ABCC8: variants seen among roughly 807,000 people sequenced by gnomAD.
ABCC8 encodes the protein ATP binding cassette subfamily C member 8.
ABCC8 carries 137 observed loss-of-function variants against 188.0 expected under a neutral mutation model. The ratio of observed to expected loss-of-function variants is 0.73; its 90% CI spans 0.63 to 0.84. ABCC8 has a LOEUF of 0.84. Ranked by LOEUF, ABCC8 falls within the 40% of genes least tolerant of loss-of-function variation. The pLI is 0.00. For synonymous variants in ABCC8, 797 were observed against 846.5 expected, an observed-to-expected ratio of 0.94 and a Z score of 1.01; for missense variants, 1,750 against 2,072.7, an observed-to-expected ratio of 0.84 and a Z score of 3.02.
At position 17,460,530 on chromosome 11, in the gene ABCC8, G is replaced by A. The variant is rs748659098; in HGVS notation, c.969C>T (p.Ile323=). 22 of 1,614,140 alleles carry A rather than the reference G, an allele frequency of 1.4e-5. No individual in the cohort carries two copies. Among genetic ancestry groups the A allele is most frequent in the South Asian group, 3.3e-5 (3 of 91,088 alleles). Residue 323 remains isoleucine (I), a synonymous_variant, in exon 6 of 39, where the codon ATC becomes ATT. Transcript: ENST00000389817. ...GFAGPLCIFG[I]VDHLGKENDV... ...CGTTCTCCTTCCCAAGGTGGTCCAC[G>A]ATCCCAAAGATGCACAGTGGCCCGG...
chr11:17,449,140 C>G (rs1262308535), intron 7 of ABCC8, among the ~76,000 whole-genome samples: 1 of 152,146 alleles, frequency 6.6e-6, no homozygotes, highest in Non-Finnish European at 1.5e-5. Context: ...GTTGGCCAGG[C>G]TGGTCTCAAA....
intron 3 of ABCC8, 23 bp from the exon 4 acceptor site, chr11:17,463,627 C>G (rs376857264): frequency 6.4e-7 from 1 of 1,560,624 alleles, no homozygotes. Flanking sequence ...GATGGAAGAT[C>G]GCAGAGACGT....
chr11:17,406,336 A>C (rs1349769692), intron 26 of ABCC8: 1 of 478,562 alleles, frequency 2.1e-6, no homozygotes, highest in Non-Finnish European at 3.8e-6. Flanking sequence ...CCACTTAGGG[A>C]GGAGAAAACA....
At chr11:17,406,599 G>A in intron 26 of ABCC8, 23 bp downstream of exon 26, 2 of 1,605,938 alleles carry the variant, frequency 1.2e-6, no homozygotes, top group Non-Finnish European at 1.7e-6. Context: ...CACAGTCCCA[G>A]CCTGGCCAGG....
intron 4 of ABCC8, 88 bp downstream of exon 4, chr11:17,463,348 TGA>T: frequency 8.8e-7 from 1 of 1,140,140 alleles, no homozygotes; most frequent in Non-Finnish European, 1.3e-6. Context: ...TCAGTTTGGC[TGA>T]GAAGCAGGGT....
rs1848801744 is a variant in ABCC8 at position 17,476,682 on chromosome 11, T to C, written c.95A>G (p.Asn32Ser). 6.8e-6 allele frequency: 11 copies of C among 1,612,138 alleles called. No individual in the cohort carries two copies. Among genetic ancestry groups the C allele is most frequent in the Non-Finnish European group, 8.5e-6 (10 of 1,179,350 alleles). ...LNNGCFVDAL[N>S]VVPHVFLLFI... is the part of the protein sequence containing the mutation. ...GAGTAGGAAGACGTGCGGCACCACG[T>C]TGAGCGCGTCCACAAAGCAGCCGTT... Residue 32 changes from asparagine (N) to serine (S), a missense_variant, in exon 1 of 39, where the codon AAC becomes AGC. By Grantham distance (46) the Asn-to-Ser change is conservative. Coordinates refer to ENST00000389817, the MANE Select transcript of ABCC8 (RefSeq NM_000352.6).
chr11:17,471,915 T>C (rs888029774), intron 2 of ABCC8, among the ~76,000 whole-genome samples: 4 of 152,124 alleles, frequency 2.6e-5, no homozygotes, highest in Non-Finnish European at 4.4e-5. Context: ...CAAACTAATA[T>C]AGAAGGTACA....
At chr11:17,408,645 A>C in intron 22 of ABCC8, 128 bp from the exon 23 acceptor site, 24 of 1,432,056 alleles carry the variant, frequency 1.7e-5, no homozygotes, top group Non-Finnish European at 2.2e-5. Context: ...CCACCAGCTC[A>C]TCCACTGCAA....
intron 2 of ABCC8, among the ~76,000 whole-genome samples, chr11:17,474,546 T>A (rs1848653066): frequency 6.7e-6 from 1 of 148,512 alleles, no homozygotes; most frequent in Admixed American, 6.7e-5. Flanking sequence ...ATGGTTAGAT[T>A]TTTTTTTTTT....
At chr11:17,420,302 T>C (rs1418023372) in intron 16 of ABCC8, among the ~76,000 whole-genome samples, 1 of 152,206 alleles carries the variant, frequency 6.6e-6, no homozygotes, top group Non-Finnish European at 1.5e-5. Flanking sequence ...GTTTTACTCA[T>C]TGTCCAGACA....
Position 17,414,511 on chromosome 11 carries a change from C to A in ABCC8, c.2390+1G>T. 6.2e-7 allele frequency: 1 copy of A among 1,614,184 alleles called. No individual in the cohort carries two copies. Among genetic ancestry groups the A allele is most frequent in the Non-Finnish European group, 8.5e-7 (1 of 1,180,018 alleles). ...CCTGCCTCCCTCCGACAGGCTTTTA[C>A]CGTTGTTTGTTGAAGGGACTCTCAA... On this transcript the variant is annotated splice_donor_variant, in intron 19 of 38. Transcript: ENST00000389817. LOFTEE classifies it high-confidence loss of function.
Position 17,430,771 on chromosome 11 carries a change from A to G in ABCC8, c.1817+43T>C, listed in dbSNP as rs368611075. The G allele has an allele frequency of 5.5e-5, 88 of 1,598,048 alleles. No homozygotes were observed. In the African/African-American group the frequency reaches 1.0e-3, roughly 19 times the overall value. On this transcript the variant is annotated intron_variant, in intron 12 of 38. Transcript: ENST00000389817. ...CTCGAGCAAGCCTTGAGGCTGACAC[A>G]GGACCTGCCTGCCCAGTGCCCTCGC...
intron 33 of ABCC8, 105 bp downstream of exon 33, chr11:17,396,811 G>A (rs964980068): frequency 9.7e-6 from 14 of 1,438,528 alleles, no homozygotes; most frequent in Admixed American, 3.7e-5. Context: ...GAGAGGCCTC[G>A]GCCCTGGAGG....
At chr11:17,462,802 C>A (rs1055818231) in intron 4 of ABCC8, among the ~76,000 whole-genome samples, 3 of 148,998 alleles carry the variant, frequency 2.0e-5, no homozygotes, top group East Asian at 3.9e-4. Context: ...CAGAAAACTG[C>A]ATAATATGAT....
Position 17,395,163 on chromosome 11 carries a change from A to G in ABCC8, c.4411+9T>C, listed in dbSNP as rs754903921. Reference sequence around the variant, plus strand: ...CAACCAACCCAGCTGCATAGCCAGGAGTAGTTACCGAGGCCTCCTGGCAGT... The same window carrying G: ...CAACCAACCCAGCTGCATAGCCAGGGGTAGTTACCGAGGCCTCCTGGCAGT... On this transcript the variant is annotated intron_variant, in intron 36 of 38. Transcript: ENST00000389817. The G allele has an allele frequency of 1.5e-5, 23 of 1,564,172 alleles. No homozygotes were observed. The highest frequency in any genetic ancestry group is 1.9e-5 in the Non-Finnish European group (22 of 1,152,628).
At chr11:17,415,425 C>T (rs993092398) in intron 17 of ABCC8, 86 bp from the exon 18 acceptor site, 3 of 1,560,772 alleles carry the variant, frequency 1.9e-6, no homozygotes, top group African/African-American at 2.7e-5. Flanking sequence ...TCCAACCCAA[C>T]ATGAGCATGC....
In ABCC8 at chr11:17,404,657, T is replaced by C; in HGVS notation, c.3412A>G (p.Thr1138Ala). Residue 1138 changes from threonine to alanine, a missense_variant, in exon 28 of 39, where the codon ACG (threonine) becomes GCG (alanine). Physicochemically the swap from Thr to Ala is moderately conservative, Grantham distance 58. Transcript: ENST00000389817. This position sits in a 1 kb window ranked among gnomAD's most constrained non-coding sequence, Gnocchi z 4.7. ...GTGGAGCGGCTCAGGCACTCCAGCG[T>C]GGATGGGATGTGCTGAGGGAGACGA... ...CNTIDQHIPS[T>A]LECLSRSTLL... The C allele has an allele frequency of 6.2e-7, 1 of 1,609,790 alleles. No individual in the cohort carries two copies. The highest frequency in any genetic ancestry group is 2.2e-5 in the East Asian group (1 of 44,724).
rs1391155490 is a variant in ABCC8 at position 17,443,229 on chromosome 11, A to G, written c.1416T>C (p.Pro472=). Residue 472 remains proline (P), a synonymous_variant, in exon 9 of 39, where the codon CCT becomes CCC. Transcript: ENST00000389817. ...GCTTGGTGGCCACGAAGTACTGGACAGGAGCCAGTAGAATGATGACAGCTG... is the reference window on the plus strand; with the variant it reads ...GCTTGGTGGCCACGAAGTACTGGACGGGAGCCAGTAGAATGATGACAGCTG... ...IGAAVIILLA[P]VQYFVATKLS... The G allele has an allele frequency of 6.2e-7, 1 of 1,614,192 alleles. No individual in the cohort carries two copies. Among genetic ancestry groups the G allele is most frequent in the Admixed American group, 1.7e-5 (1 of 60,024 alleles).
At chr11:17,433,240 T>C (rs1955927963) in intron 10 of ABCC8, among the ~76,000 whole-genome samples, 1 of 152,226 alleles carries the variant, frequency 6.6e-6, no homozygotes, top group South Asian at 2.1e-4. Context: ...CCTTCCCATC[T>C]ATCCTCTTTC....
Sources: gnomAD v4.1 joint callset for allele counts (sites outside exome capture counted in the v4.1 genomes callset) on GRCh38, gnomAD v4.1.1 for gene constraint, Gnocchi (gnomAD v3.1) non-coding constraint, MANE v1.5 for transcripts, NCBI Gene and HGNC (gene_info 2026-07-23, HGNC 2026-07-21) for gene names.